SEMA3A: variants seen among roughly 807,000 people sequenced by gnomAD.
The protein encoded by SEMA3A is semaphorin 3A.
SEMA3A carries 29 observed loss-of-function variants against 97.9 expected under a neutral mutation model. The observed-to-expected ratio is 0.30, with a 90% CI of 0.22 to 0.40. SEMA3A has a LOEUF of 0.40. SEMA3A is among the 10% of genes least tolerant of loss of function. The pLI is 1.00. For synonymous variants in SEMA3A, 321 were observed against 323.7 expected, an observed-to-expected ratio of 0.99 and a Z score of 0.09; for missense variants, 763 against 951.3, an observed-to-expected ratio of 0.80 and a Z score of 2.60.
At chr7:84,184,194 T>TA (rs995620780) in intron 1 of SEMA3A, among the ~76,000 whole-genome samples, 2 of 152,070 alleles carry the variant, frequency 1.3e-5, no homozygotes, top group African/African-American at 4.8e-5. Context: ...ACGTTTTTTT[T>TA]AAAAAAATCA....
intron 1 of SEMA3A, among the ~76,000 whole-genome samples, chr7:84,431,423 C>G (rs1804977816): frequency 6.6e-6 from 1 of 151,872 alleles, no homozygotes; most frequent in Non-Finnish European, 1.5e-5. Context: ...AGCTCTTCTT[C>G]TTTGAACCAG....
chr7:83,985,343 C>T, intron 13 of SEMA3A, 93 bp downstream of exon 13: 2 of 894,864 alleles, frequency 2.2e-6, no homozygotes, highest in East Asian at 2.6e-5. Context: ...TAATTGTTAA[C>T]AAATCTGTGA....
intron 2 of SEMA3A, among the ~76,000 whole-genome samples, chr7:84,346,090 A>C (rs902945258): frequency 2.0e-5 from 3 of 152,148 alleles, no homozygotes; most frequent in Non-Finnish European, 4.4e-5. Flanking sequence ...TACACTTGTA[A>C]GTTATGGAGA....
At chr7:84,444,194 C>A (rs759842231) in intron 1 of SEMA3A, among the ~76,000 whole-genome samples, 3 of 152,028 alleles carry the variant, frequency 2.0e-5, no homozygotes, top group Non-Finnish European at 4.4e-5. Context: ...CCTGATTGTG[C>A]TTTTCTTCAG....
chr7:84,173,524 A>T (rs1260275326), intron 1 of SEMA3A, among the ~76,000 whole-genome samples: 1 of 143,758 alleles, frequency 7.0e-6, no homozygotes, highest in Non-Finnish European at 1.5e-5. Context: ...ACGCCACTGC[A>T]CTCCAGCCTG....
chr7:84,361,374 C>A (rs988065767), intron 2 of SEMA3A, among the ~76,000 whole-genome samples: 3 of 151,420 alleles, frequency 2.0e-5, no homozygotes, highest in Non-Finnish European at 2.9e-5. Flanking sequence ...TATTCCTGAA[C>A]AAGGGAAAGA....
chr7:84,481,826 A>G (rs953874076), intron 1 of SEMA3A, among the ~76,000 whole-genome samples: 1 of 151,906 alleles, frequency 6.6e-6, no homozygotes, highest in African/African-American at 2.4e-5. Flanking sequence ...TCAAAAGAAG[A>G]CAGCAAAGTT....
intron 4 of SEMA3A, among the ~76,000 whole-genome samples, chr7:84,099,072 T>C (rs1418328392): frequency 4.0e-5 from 2 of 49,596 alleles, no homozygotes; most frequent in African/African-American, 8.4e-5. Flanking sequence ...TTTCTTTTTT[T>C]TTCTTTTTTT....
intron 1 of SEMA3A, among the ~76,000 whole-genome samples, chr7:84,478,679 T>TA (rs928647274): frequency 3.9e-4 from 59 of 150,794 alleles, no homozygotes; most frequent in Admixed American, 9.3e-4. Flanking sequence ...ACAAGAATAT[T>TA]AAAAAAAAAC....
chr7:84,364,202 G>A (rs557878114), intron 2 of SEMA3A, among the ~76,000 whole-genome samples: 4 of 151,406 alleles, frequency 2.6e-5, no homozygotes, highest in African/African-American at 9.7e-5. Flanking sequence ...AACCTTTTAG[G>A]AACCTCAGTG....
intron 2 of SEMA3A, among the ~76,000 whole-genome samples, chr7:84,319,501 C>T (rs1393451541): frequency 6.6e-6 from 1 of 151,844 alleles, no homozygotes; most frequent in Admixed American, 6.6e-5. Context: ...AATCCCAAGG[C>T]TTATTAGCCA....
At chr7:84,191,246 T>C (rs1187467036) in intron 1 of SEMA3A, among the ~76,000 whole-genome samples, 1 of 150,470 alleles carries the variant, frequency 6.6e-6, no homozygotes, top group Admixed American at 6.6e-5. Context: ...AAAAAACAAC[T>C]TTAGAAAATA....
intron 3 of SEMA3A, among the ~76,000 whole-genome samples, chr7:84,235,258 C>A (rs1799208743): frequency 6.6e-6 from 1 of 151,616 alleles, no homozygotes; most frequent in Admixed American, 6.6e-5. Context: ...TTAATAATGA[C>A]AAGATATTTT....
chr7:84,177,181 A>T (rs879733481), intron 1 of SEMA3A, among the ~76,000 whole-genome samples: 1 of 152,180 alleles, frequency 6.6e-6, no homozygotes, highest in Admixed American at 6.5e-5. Flanking sequence ...TAGAACTGTT[A>T]TATCAGAAGA....
chr7:84,446,825 G>A (rs1000316528), intron 1 of SEMA3A, among the ~76,000 whole-genome samples: 3 of 152,136 alleles, frequency 2.0e-5, no homozygotes, highest in South Asian at 2.1e-4. Flanking sequence ...TTGCAGTGGG[G>A]GAGGCACAGC....
intron 4 of SEMA3A, among the ~76,000 whole-genome samples, chr7:84,072,111 T>C (rs981386412): frequency 6.6e-6 from 1 of 152,084 alleles, no homozygotes; most frequent in Non-Finnish European, 1.5e-5. Flanking sequence ...TAATATATTA[T>C]TGATGCTTAC....
intron 1 of SEMA3A, among the ~76,000 whole-genome samples, chr7:84,156,354 A>G (rs556153840): frequency 5.3e-5 from 8 of 152,146 alleles, no homozygotes; most frequent in Non-Finnish European, 1.2e-4. Context: ...TAATCTTTCA[A>G]ATATTATCCA....
At chr7:83,996,339 G>C (rs936661204) in intron 12 of SEMA3A, among the ~76,000 whole-genome samples, 2 of 119,422 alleles carry the variant, frequency 1.7e-5, no homozygotes, top group African/African-American at 3.3e-5. Context: ...GTCTCCCTCT[G>C]TCGCTCAGGC....
At chr7:84,182,782 A>AT (rs35491176) in intron 1 of SEMA3A, among the ~76,000 whole-genome samples, 2 of 152,062 alleles carry the variant, frequency 1.3e-5, no homozygotes, top group Non-Finnish European at 2.9e-5. Context: ...AGTTAGGTTC[A>AT]TTTTTTTCAT....
Sources: gnomAD v4.1 joint callset for allele counts (sites outside exome capture counted in the v4.1 genomes callset) on GRCh38, gnomAD v4.1.1 for gene constraint, MANE v1.5 for transcripts, NCBI Gene and HGNC (gene_info 2026-07-23, HGNC 2026-07-21) for gene names.